RPH3A: variants seen among roughly 807,000 people sequenced by gnomAD.
The protein encoded by RPH3A is rabphilin-3A.
Under a neutral mutation model 102.2 loss-of-function variants are expected in RPH3A, and 48 were observed. The ratio of observed to expected loss-of-function variants is 0.47; its 90% confidence interval spans 0.37 to 0.60. The LOEUF is 0.60. Among genes scored for constraint, RPH3A ranks in the 20% least tolerant of loss-of-function variants. The pLI is 0.00. For missense variants in RPH3A, 781 were observed against 910.1 expected, an observed-to-expected ratio of 0.86 and a Z score of 1.83; for synonymous variants, 310 against 324.3, an observed-to-expected ratio of 0.96 and a Z score of 0.47.
At chr12:112,615,983 C>A (rs962633826) in intron 1 of RPH3A, among the ~76,000 whole-genome samples, 2 of 152,084 alleles carry the variant, frequency 1.3e-5, no homozygotes, top group Non-Finnish European at 1.5e-5. Context: ...GTCCCTAGGA[C>A]CCTCTGTGGC....
intron 1 of RPH3A, among the ~76,000 whole-genome samples, chr12:112,627,598 C>T (rs560019656): frequency 6.6e-6 from 1 of 151,894 alleles, no homozygotes; most frequent in African/African-American, 2.4e-5. Flanking sequence ...CAAGAACAGA[C>T]TAGAGAAAGA....
chr12:112,811,538 C>G (rs7139089), intron 2 of RPH3A, among the ~76,000 whole-genome samples: 69 of 148,822 alleles, frequency 4.6e-4, no homozygotes, highest in African/African-American at 1.7e-3. Flanking sequence ...ACCCCCCCCC[C>G]AAAAAAAAGA....
chr12:112,753,800 A>C (rs2040801970), intron 1 of RPH3A, among the ~76,000 whole-genome samples: 1 of 152,188 alleles, frequency 6.6e-6, no homozygotes, highest in South Asian at 2.1e-4. Flanking sequence ...TCTATGCCCT[A>C]ATTTCTGGAA....
intron 1 of RPH3A, among the ~76,000 whole-genome samples, chr12:112,722,418 T>G (rs2040557738): frequency 6.6e-6 from 1 of 152,210 alleles, no homozygotes; most frequent in Admixed American, 6.5e-5. Flanking sequence ...AAAGATATGA[T>G]TTCATCTGTA....
chr12:112,630,436 C>T (rs1404444290), intron 1 of RPH3A, among the ~76,000 whole-genome samples: 1 of 152,144 alleles, frequency 6.6e-6, no homozygotes, highest in Non-Finnish European at 1.5e-5. Flanking sequence ...AAACTTCAGC[C>T]TGATGCCGTG....
Position 112,585,694 on chromosome 12 carries a change from G to A in RPH3A, c.-140+10375G>A, listed in dbSNP as rs1440428393. 5.9e-5 allele frequency among the ~76,000 whole-genome samples: 9 copies of A among 151,980 alleles called. 1 individual carries two copies. In the East Asian group the frequency reaches 1.3e-3, roughly 23 times the overall value. On this transcript the variant is annotated intron_variant, in intron 1 of 21. Coordinates refer to the RPH3A transcript ENST00000543106. ...AGTTTGCAGTGAGCCAAGATCCTGC[G>A]CCACTGCACTCCAGCCTGGGCAATA...
chr12:112,677,924 T>C (rs2040193112), intron 1 of RPH3A, among the ~76,000 whole-genome samples: 1 of 151,896 alleles, frequency 6.6e-6, no homozygotes, highest in South Asian at 2.1e-4. Context: ...GGCGTGGTGG[T>C]GCATGCCTGT....
intron 2 of RPH3A, among the ~76,000 whole-genome samples, chr12:112,817,561 T>C (rs747331211): frequency 2.4e-4 from 36 of 151,514 alleles, no homozygotes; most frequent in Non-Finnish European, 4.4e-4. Flanking sequence ...TGTGTGTGTG[T>C]GCACCCCCCA....
In RPH3A at chr12:112,865,478, A is replaced by T; in HGVS notation, c.295A>T (p.Ile99Leu). The change falls in exon 6 of 22, where the codon ATA (isoleucine) becomes TTA (leucine). Residue 99 changes from isoleucine (I) to leucine (L), a missense_variant. By Grantham distance (5) the Ile-to-Leu change is conservative. This residue lies in a region of RPH3A where 730 missense variants were observed against 810.0 expected (regional missense o/e 0.90). Coordinates refer to ENST00000389385, the MANE Select transcript of RPH3A (RefSeq NM_001143854.2). The stretch of plus-strand genomic sequence containing the variant: ...GGCTGGAGATGGGGTGAACCGCTGC[A>T]TACTGTGTGGAGAACAGCTGGGGAT... ...NVAGDGVNRC[I>L]LCGEQLGMLG... 6.2e-7 allele frequency: 1 copy of T among 1,614,100 alleles called. No individual in the cohort carries two copies. Among genetic ancestry groups the T allele is most frequent in the Non-Finnish European group, 8.5e-7 (1 of 1,180,002 alleles).
chr12:112,786,639 T>G (rs2041053971), intron 1 of RPH3A, among the ~76,000 whole-genome samples: 1 of 152,176 alleles, frequency 6.6e-6, no homozygotes, highest in Admixed American at 6.6e-5. Context: ...GTTTCCTTTC[T>G]CTTGTAGGGC....
Position 112,840,567 on chromosome 12 carries a change from G to C in RPH3A, c.83+4065G>C, listed in dbSNP as rs369450807. On this transcript the variant is annotated intron_variant, in intron 4 of 21. Coordinates refer to ENST00000389385, the MANE Select transcript of RPH3A (RefSeq NM_001143854.2). ...AAAAGGCCCAGAAATCCGCATTCTGGCTGGCTCACCAAGTGGATCTTGGGC... is the reference window on the plus strand; with the variant it reads ...AAAAGGCCCAGAAATCCGCATTCTGCCTGGCTCACCAAGTGGATCTTGGGC... 3.1e-3 allele frequency among the ~76,000 whole-genome samples: 469 copies of C among 152,078 alleles called. 4 individuals are homozygous for C. The highest frequency in any genetic ancestry group is 0.01 in the Middle Eastern group (3 of 294).
At chr12:112,848,160 T>A (rs1053305669) in intron 5 of RPH3A, among the ~76,000 whole-genome samples, 10 of 151,686 alleles carry the variant, frequency 6.6e-5, no homozygotes, top group Non-Finnish European at 1.2e-4. Context: ...AGAGGAGATG[T>A]CATTGGAGGC....
chr12:112,883,281 C>G lies in RPH3A; in HGVS notation c.1327-12C>G. 3 of 1,609,614 alleles carry G rather than the reference C, an allele frequency of 1.9e-6. No homozygotes were observed. Among genetic ancestry groups the G allele is most frequent in the Non-Finnish European group, 2.6e-6 (3 of 1,176,258 alleles). On this transcript the variant is annotated splice_polypyrimidine_tract_variant and intron_variant, in intron 15 of 21. Coordinates refer to ENST00000389385, the MANE Select transcript of RPH3A (RefSeq NM_001143854.2). ...GAGGTAGGTGTCTCTGTCCATCTCT[C>G]TCGGGCTCTAGTCCAACAAGCTTCG...
intron 1 of RPH3A, among the ~76,000 whole-genome samples, chr12:112,762,649 A>C (rs1375849482): frequency 2.0e-5 from 3 of 152,104 alleles, no homozygotes; most frequent in African/African-American, 7.2e-5. Context: ...GGATCCAGGG[A>C]CTCATATTAT....
At chr12:112,600,793 C>T (rs2039552428) in intron 1 of RPH3A, among the ~76,000 whole-genome samples, 1 of 152,150 alleles carries the variant, frequency 6.6e-6, no homozygotes, top group Non-Finnish European at 1.5e-5. Context: ...TACCAATTTA[C>T]TATATTAGTC....
chr12:112,798,438 C>T (rs1401004434), intron 2 of RPH3A, among the ~76,000 whole-genome samples: 2 of 152,110 alleles, frequency 1.3e-5, no homozygotes, highest in Non-Finnish European at 2.9e-5. Context: ...AATGCACCTA[C>T]ACAATGACGA....
At chr12:112,796,055 C>A (rs2041221933) in intron 2 of RPH3A, among the ~76,000 whole-genome samples, 1 of 152,098 alleles carries the variant, frequency 6.6e-6, no homozygotes, top group African/African-American at 2.4e-5. Context: ...CACTGCAGTT[C>A]CCCAGTTGCT....
intron 1 of RPH3A, among the ~76,000 whole-genome samples, chr12:112,587,339 A>G (rs368661417): frequency 9.1e-4 from 138 of 152,354 alleles, no homozygotes; most frequent in African/African-American, 3.2e-3. Flanking sequence ...TAGTCTTAAT[A>G]CGGTTCTTCT....
chr12:112,772,134 C>A (rs2136072907), intron 1 of RPH3A, among the ~76,000 whole-genome samples: 1 of 152,336 alleles, frequency 6.6e-6, no homozygotes, highest in East Asian at 1.9e-4. Flanking sequence ...ACTTGCCCTT[C>A]CCTCTTTCCC....
Sources: gnomAD v4.1 joint callset for allele counts (sites outside exome capture counted in the v4.1 genomes callset) on GRCh38, gnomAD v4.1.1 for gene constraint, gnomAD v4.1.1 regional missense constraint, MANE v1.5 for transcripts, NCBI Gene and HGNC (gene_info 2026-07-23, HGNC 2026-07-21) for gene names.